Variants in UGGT2 observed in about 807,000 individuals in gnomAD.
UGGT2 encodes the protein UDP-glucose:glycoprotein glucosyltransferase 2.
Under a neutral mutation model 192.1 loss-of-function variants are expected in UGGT2, and 180 were observed. The observed-to-expected ratio is 0.94, with a 90% CI of 0.83 to 1.06. UGGT2 has a LOEUF of 1.06. UGGT2 is among the 50% of genes least tolerant of loss of function. UGGT2 has a pLI of 0.00. For synonymous variants in UGGT2, 580 were observed against 591.0 expected (o/e 0.98, Z 0.27); for missense variants, 1,849 against 1,795.7 (o/e 1.03, Z -0.54).
chr13:96,011,804 T>C (rs973292376), intron 5 of UGGT2, among the ~76,000 whole-genome samples: 2 of 152,048 alleles, frequency 1.3e-5, no homozygotes, highest in African/African-American at 4.8e-5. Flanking sequence ...ATGATACTTT[T>C]CAAAAAGACA....
chr13:95,934,257 T>G (rs1417252272), intron 17 of UGGT2, among the ~76,000 whole-genome samples: 2 of 152,188 alleles, frequency 1.3e-5, no homozygotes, highest in African/African-American at 4.8e-5. Flanking sequence ...TTTAAAAAAT[T>G]TATTGAGACT....
At chr13:95,835,313 T>C (rs1343545655) in intron 37 of UGGT2, among the ~76,000 whole-genome samples, 1 of 152,168 alleles carries the variant, frequency 6.6e-6, no homozygotes, top group African/African-American at 2.4e-5. Context: ...GGAATGAGTA[T>C]GAAGCCACTG....
rs1594382781 is a variant in UGGT2, at chr13:95,937,688, T to G, written c.1813-600A>C. Among the ~76,000 whole-genome samples the G allele has an allele frequency of 2.0e-5, 3 of 152,102 alleles. No homozygotes were observed. The East Asian group carries it at 5.8e-4, about 29-fold the overall frequency. On this transcript the variant is annotated intron_variant, in intron 16 of 38. Coordinates refer to ENST00000376747, the MANE Select transcript of UGGT2 (RefSeq NM_020121.4). Reference sequence around the variant, plus strand: ...GCCCAGGAGAAGCACCTAATCAAGCTGGAGTATGGAGAGGAAGGGATCATA... The same window carrying G: ...GCCCAGGAGAAGCACCTAATCAAGCGGGAGTATGGAGAGGAAGGGATCATA...
intron 8 of UGGT2, 37 bp from the exon 9 acceptor site, chr13:95,986,469 T>C: frequency 1.4e-6 from 2 of 1,397,444 alleles, no homozygotes; most frequent in Non-Finnish European, 2.0e-6. Flanking sequence ...TCTAGCATAA[T>C]ATTAGACCTT....
chr13:95,810,098 G>A (rs974264128), intron 38 of UGGT2, among the ~76,000 whole-genome samples: 16 of 152,054 alleles, frequency 1.1e-4, no homozygotes, highest in African/African-American at 3.4e-4. Flanking sequence ...CACATGTGAC[G>A]ACCTCAATCT....
At chr13:95,853,276 A>G (rs1262753041) in intron 36 of UGGT2, among the ~76,000 whole-genome samples, 1 of 152,206 alleles carries the variant, frequency 6.6e-6, no homozygotes, top group Non-Finnish European at 1.5e-5. Context: ...GTGAGAACGG[A>G]CTAATACAAA....
intron 29 of UGGT2, among the ~76,000 whole-genome samples, chr13:95,874,246 G>A (rs889875186): frequency 1.2e-4 from 18 of 152,268 alleles, no homozygotes; most frequent in African/African-American, 4.1e-4. Context: ...GTATAGGTTC[G>A]AAGACATCCA....
At chr13:95,928,604 G>A (rs7992824) in intron 17 of UGGT2, among the ~76,000 whole-genome samples, 53,108 of 151,440 alleles carry the variant, frequency 0.35, 10,065 homozygotes, top group East Asian at 0.45. Flanking sequence ...ACGGGGCGGC[G>A]GGGCAAAGGC....
intron 23 of UGGT2, 71 bp from the exon 24 acceptor site, chr13:95,894,728 T>C: frequency 7.7e-7 from 1 of 1,295,716 alleles, no homozygotes; most frequent in East Asian, 2.3e-5. Context: ...CAATTAATGC[T>C]TCAAGAAAGG....
chr13:96,050,031 A>C (rs1403714481), intron 1 of UGGT2, among the ~76,000 whole-genome samples: 1 of 152,186 alleles, frequency 6.6e-6, no homozygotes, highest in African/African-American at 2.4e-5. Context: ...AGACAATCCT[A>C]AGCAAAAAGA....
At chr13:95,953,867 T>A (rs1016898114) in intron 12 of UGGT2, among the ~76,000 whole-genome samples, 2 of 152,166 alleles carry the variant, frequency 1.3e-5, no homozygotes, top group Non-Finnish European at 2.9e-5. Flanking sequence ...CCAGAGGCCA[T>A]GTGCTGATTA....
At chr13:95,851,570 G>C (rs1176587419) in intron 36 of UGGT2, among the ~76,000 whole-genome samples, 2 of 152,168 alleles carry the variant, frequency 1.3e-5, no homozygotes, top group Admixed American at 6.5e-5. Context: ...AGCCAATAGA[G>C]AGTCAAGAGA....
In UGGT2 at chr13:96,023,650, T is replaced by C; in HGVS notation, c.351A>G (p.Pro117=). The change falls in exon 3 of 39, where the codon CCA becomes CCG. Residue 117 remains proline (P), a synonymous_variant. Coordinates refer to ENST00000376747, the MANE Select transcript of UGGT2 (RefSeq NM_020121.4). ...KFAFSIRAYS[P]AIQMFQQIAA... ...GCACCTGCTGAAACATCTGAATAGC[T>C]GGGGAGTATGCCCTTATAGAGAAAG... 1 of 1,610,022 alleles carries C rather than the reference T, an allele frequency of 6.2e-7. No homozygotes were observed. The highest frequency in any genetic ancestry group is 8.5e-7 in the Non-Finnish European group (1 of 1,177,522).
At chr13:95,965,876 A>T (rs1480638492) in intron 12 of UGGT2, among the ~76,000 whole-genome samples, 3 of 152,192 alleles carry the variant, frequency 2.0e-5, no homozygotes, top group African/African-American at 7.2e-5. Flanking sequence ...GGCTATCATT[A>T]AAAAGATAAA....
At chr13:95,916,885 G>A (rs565479115) in intron 20 of UGGT2, among the ~76,000 whole-genome samples, 4 of 152,074 alleles carry the variant, frequency 2.6e-5, no homozygotes, top group African/African-American at 7.2e-5. Flanking sequence ...CAAAACCTCC[G>A]AGAACTATAG....
intron 12 of UGGT2, among the ~76,000 whole-genome samples, chr13:95,958,701 C>A (rs541878077): frequency 6.6e-6 from 1 of 151,498 alleles, no homozygotes; most frequent in East Asian, 2.0e-4. Flanking sequence ...GATAATCACA[C>A]TTCGAATAGG....
At chr13:95,824,085 G>A (rs1278725484) in intron 38 of UGGT2, among the ~76,000 whole-genome samples, 1 of 152,070 alleles carries the variant, frequency 6.6e-6, no homozygotes, top group Non-Finnish European at 1.5e-5. Context: ...TTGACTAACA[G>A]TTATTCTGTT....
chr13:95,968,865 G>C (rs1426324356), intron 12 of UGGT2, among the ~76,000 whole-genome samples: 1 of 152,056 alleles, frequency 6.6e-6, no homozygotes, highest in African/African-American at 2.4e-5. Context: ...TGTATGAAAG[G>C]GTTAACTCAA....
chr13:95,802,813 TTTTG>T (rs146912861), intron 38 of UGGT2, among the ~76,000 whole-genome samples: 24,275 of 150,978 alleles, frequency 0.16, 2,218 homozygotes, highest in African/African-American at 0.24. Flanking sequence ...AGCTATCCTT[TTTTG>T]TTTGTTTGTT....
Sources: gnomAD v4.1 joint callset for allele counts (sites outside exome capture counted in the v4.1 genomes callset) on GRCh38, gnomAD v4.1.1 for gene constraint, MANE v1.5 for transcripts, NCBI Gene and HGNC (gene_info 2026-07-23, HGNC 2026-07-21) for gene names.